MICU1: variants seen among roughly 807,000 people sequenced by gnomAD.
MICU1 encodes calcium uptake protein 1, mitochondrial.
A neutral mutation model predicts 56.8 loss-of-function variants in MICU1; 45 were observed. The observed-to-expected ratio is 0.79, with a 90% CI of 0.62 to 1.02. The LOEUF (loss-of-function observed/expected upper bound fraction) is 1.02. MICU1 is among the 50% of genes least tolerant of loss of function. MICU1 has a pLI of 0.00. For missense variants in MICU1, 504 were observed against 587.1 expected (o/e 0.86, Z 1.46); for synonymous variants, 186 against 195.1 (o/e 0.95, Z 0.39).
chr10:72,621,763 A>G (rs1404289289), intron 1 of MICU1, among the ~76,000 whole-genome samples: 3 of 152,222 alleles, frequency 2.0e-5, no homozygotes, highest in South Asian at 2.1e-4. Flanking sequence ...GGTACTAAAC[A>G]TGTAATAACA....
At chr10:72,408,063 A>C in intron 9 of MICU1, 26 bp from the exon 10 acceptor site, 1 of 1,506,128 alleles carries the variant, frequency 6.6e-7, no homozygotes, top group South Asian at 1.2e-5. Flanking sequence ...CAGCAAGGTA[A>C]GGCAGGACCT....
At chr10:72,513,858 G>A (rs1188162933) in intron 5 of MICU1, among the ~76,000 whole-genome samples, 2 of 151,960 alleles carry the variant, frequency 1.3e-5, no homozygotes, top group Non-Finnish European at 2.9e-5. Flanking sequence ...CCATAGATGT[G>A]TGGGTTTATT....
At chr10:72,436,317 G>C (rs1004275565) in intron 8 of MICU1, among the ~76,000 whole-genome samples, 2 of 152,202 alleles carry the variant, frequency 1.3e-5, no homozygotes, top group African/African-American at 4.8e-5. Context: ...CTGCAGCTGA[G>C]GGACCTGACT....
intron 10 of MICU1, among the ~76,000 whole-genome samples, chr10:72,383,301 A>C (rs1456372607): frequency 6.6e-6 from 1 of 152,148 alleles, no homozygotes; most frequent in Non-Finnish European, 1.5e-5. Flanking sequence ...CTGCTTCAAA[A>C]TTTGAATGGT....
At chr10:72,480,099 T>C (rs778289167) in intron 6 of MICU1, among the ~76,000 whole-genome samples, 98 of 152,148 alleles carry the variant, frequency 6.4e-4, no homozygotes, top group Non-Finnish European at 8.8e-4. Flanking sequence ...TTAAAGAAGA[T>C]CAGAAGCTCT....
chr10:72,459,780 GA>G (rs1187052054), intron 8 of MICU1, among the ~76,000 whole-genome samples: 4 of 152,152 alleles, frequency 2.6e-5, no homozygotes, highest in African/African-American at 9.7e-5. Context: ...TGCCTGTAGA[GA>G]AAGCTATTGA....
chr10:72,452,450 G>A (rs1459959646), intron 8 of MICU1, among the ~76,000 whole-genome samples: 1 of 152,172 alleles, frequency 6.6e-6, no homozygotes, highest in African/African-American at 2.4e-5. Context: ...AATATAATGA[G>A]GAAATGACAT....
intron 1 of MICU1, among the ~76,000 whole-genome samples, chr10:72,585,437 G>GT (rs1218965013): frequency 2.0e-5 from 3 of 152,124 alleles, no homozygotes; most frequent in Non-Finnish European, 4.4e-5. Flanking sequence ...GCTCACGCCT[G>GT]TAATCCCAGC....
intron 10 of MICU1, among the ~76,000 whole-genome samples, chr10:72,382,173 C>T (rs1263812008): frequency 6.6e-6 from 1 of 151,134 alleles, no homozygotes; most frequent in East Asian, 1.9e-4. Context: ...TGCAGTGGTG[C>T]GATCTCGGCT....
rs1328620796 is a variant in MICU1 at position 72,507,608 on chromosome 10, TGACA to T, written c.652+543_652+546del. On this transcript the variant is annotated intron_variant, in intron 6 of 11. Transcript: ENST00000361114. ...TGACTCACCTTGACAGAATACAGAG[TGACA>T]GACAGTTAAAGGTAGATGTCACTTC... 1.3e-4 allele frequency among the ~76,000 whole-genome samples: 20 copies of T among 152,168 alleles called. No individual in the cohort carries two copies. The East Asian group carries it at 3.3e-3, about 25-fold the overall frequency.
intron 4 of MICU1, among the ~76,000 whole-genome samples, chr10:72,546,567 A>G (rs2132434363): frequency 6.6e-6 from 1 of 152,274 alleles, no homozygotes; most frequent in Non-Finnish European, 1.5e-5. Context: ...GGACTGCCTA[A>G]TTTGCCAATT....
intron 5 of MICU1, chr10:72,533,260 G>A (rs1376983038): frequency 3.0e-6 from 2 of 656,332 alleles, no homozygotes; most frequent in East Asian, 1.4e-4. Flanking sequence ...ATTTATTCAG[G>A]TATAAATAAT....
At chr10:72,389,516 G>A (rs923124204) in intron 10 of MICU1, among the ~76,000 whole-genome samples, 16 of 152,154 alleles carry the variant, frequency 1.1e-4, no homozygotes, top group African/African-American at 2.9e-4. Flanking sequence ...TAAACTGCAC[G>A]TATAGAATAA....
intron 8 of MICU1, among the ~76,000 whole-genome samples, chr10:72,453,945 C>T (rs1865375347): frequency 6.6e-6 from 1 of 152,134 alleles, no homozygotes; most frequent in Non-Finnish European, 1.5e-5. Context: ...AAGCGATTTT[C>T]TTGCCTCAGC....
intron 5 of MICU1, among the ~76,000 whole-genome samples, chr10:72,527,665 G>C (rs994756469): frequency 1.3e-5 from 2 of 151,930 alleles, no homozygotes; most frequent in Admixed American, 1.3e-4. Context: ...TTCTCAATCC[G>C]TAAAATGATG....
chr10:72,395,182 A>C (rs960532117), intron 10 of MICU1, among the ~76,000 whole-genome samples: 1 of 151,954 alleles, frequency 6.6e-6, no homozygotes, highest in African/African-American at 2.4e-5. Context: ...CCATCTCAAA[A>C]ATTTTTGTAT....
intron 5 of MICU1, among the ~76,000 whole-genome samples, chr10:72,525,942 C>T (rs1352484194): frequency 1.3e-5 from 2 of 152,142 alleles, no homozygotes; most frequent in African/African-American, 4.8e-5. Flanking sequence ...GTTCAGCAAT[C>T]CACAAGACTA....
In MICU1 at chr10:72,562,936, C is replaced by T. The variant is rs1840336486; in HGVS notation, c.289G>A (p.Glu97Lys). 1.9e-6 allele frequency: 3 copies of T among 1,604,232 alleles called. No homozygotes were observed. The African/African-American group carries it at 4.0e-5, about 22-fold the overall frequency. ...CCAGAACGTTTCTTCTTTTTCTCTT[C>T]TGGGTGAGGGGCAAGATCTGCAGTC... ...KKTADLAPHPEEKKKKRSGFR... is the reference protein window; with the variant it reads ...KKTADLAPHPKEKKKKRSGFR... The change falls in exon 3 of 12, where the codon GAA becomes AAA. Residue 97 changes from glutamate to lysine, a missense_variant. By Grantham distance (56) the Glu-to-Lys change is moderately conservative. Coordinates refer to ENST00000361114, the MANE Select transcript of MICU1 (RefSeq NM_001195518.2).
intron 3 of MICU1, among the ~76,000 whole-genome samples, chr10:72,558,853 TA>T (rs1305195457): frequency 6.6e-6 from 1 of 152,124 alleles, no homozygotes. Flanking sequence ...CCACATTCTA[TA>T]AAAAATCTTT....
Sources: gnomAD v4.1 joint callset for allele counts (sites outside exome capture counted in the v4.1 genomes callset) on GRCh38, gnomAD v4.1.1 for gene constraint, MANE v1.5 for transcripts, NCBI Gene and HGNC (gene_info 2026-07-23, HGNC 2026-07-21) for gene names.